The following CCSER1 variants were observed in gnomAD, a reference collection of about 807,000 sequenced individuals.
CCSER1 encodes the protein coiled-coil serine rich protein 1, also known as serine-rich coiled-coil domain-containing protein 1.
In CCSER1, 41 loss-of-function variants were observed where a neutral mutation model predicts 82.0. That is an observed-to-expected ratio of 0.50 (90% confidence interval 0.39 to 0.65). The LOEUF is 0.65. CCSER1 is among the 30% of genes least tolerant of loss of function. The pLI, the probability that CCSER1 is intolerant of heterozygous loss-of-function variation, is 0.00. For missense variants in CCSER1, 1,119 were observed against 1,064.2 expected, an observed-to-expected ratio of 1.05 and a Z score of -0.72; for synonymous variants, 414 against 383.9, an observed-to-expected ratio of 1.08 and a Z score of -0.92.
intron 10 of CCSER1, among the ~76,000 whole-genome samples, chr4:91,248,301 C>T (rs530671652): frequency 2.9e-4 from 44 of 152,298 alleles, no homozygotes; most frequent in African/African-American, 7.5e-4. Context: ...ATAATCCCTA[C>T]ACCTTAGGTT....
At chr4:90,786,255 T>C (rs1754503094) in intron 7 of CCSER1, among the ~76,000 whole-genome samples, 1 of 152,192 alleles carries the variant, frequency 6.6e-6, no homozygotes, top group Non-Finnish European at 1.5e-5. Context: ...TATTAGAAAC[T>C]ACTGTGGTGA....
At chr4:91,531,555 T>G (rs1257575246) in intron 10 of CCSER1, among the ~76,000 whole-genome samples, 2 of 152,218 alleles carry the variant, frequency 1.3e-5, no homozygotes, top group Non-Finnish European at 2.9e-5. Flanking sequence ...TTACAGATAG[T>G]AAATTGTTAG....
intron 10 of CCSER1, among the ~76,000 whole-genome samples, chr4:91,309,030 T>C (rs1243325444): frequency 2.0e-5 from 3 of 152,004 alleles, no homozygotes; most frequent in African/African-American, 7.2e-5. Context: ...GGACACTTTT[T>C]GTAGTTGTTC....
chr4:90,808,647 A>G (rs1354871977), intron 7 of CCSER1, among the ~76,000 whole-genome samples: 2 of 152,206 alleles, frequency 1.3e-5, no homozygotes, highest in Non-Finnish European at 2.9e-5. Context: ...AATGCTCAAC[A>G]TCACTAACCA....
intron 6 of CCSER1, among the ~76,000 whole-genome samples, chr4:90,637,747 A>G (rs2148965568): frequency 6.6e-6 from 1 of 152,242 alleles, no homozygotes; most frequent in African/African-American, 2.4e-5. Flanking sequence ...GGCCTACTAA[A>G]AATTCTTGCT....
At chr4:90,233,645 A>C (rs1578657421) in intron 1 of CCSER1, among the ~76,000 whole-genome samples, 3 of 147,378 alleles carry the variant, frequency 2.0e-5, no homozygotes, top group Admixed American at 2.0e-4. Context: ...AAAAAAAAAA[A>C]ACAAAACAAA....
chr4:90,902,065 C>T (rs1197646399), intron 8 of CCSER1, among the ~76,000 whole-genome samples: 5 of 151,696 alleles, frequency 3.3e-5, no homozygotes, highest in African/African-American at 1.2e-4. Context: ...TCTGCTTGAT[C>T]TAGGCTATTG....
At chr4:91,141,978 A>T (rs2148931326) in intron 10 of CCSER1, among the ~76,000 whole-genome samples, 1 of 152,162 alleles carries the variant, frequency 6.6e-6, no homozygotes. Flanking sequence ...TTGTTGATTT[A>T]AGTTCCTTAT....
At chr4:91,150,197 C>G (rs1234261878) in intron 10 of CCSER1, among the ~76,000 whole-genome samples, 1 of 152,136 alleles carries the variant, frequency 6.6e-6, no homozygotes, top group East Asian at 1.9e-4. Flanking sequence ...TCCTTCACAT[C>G]CCTTGTAAGT....
chr4:91,080,049 G>C (rs748980248), intron 9 of CCSER1, among the ~76,000 whole-genome samples: 2 of 152,132 alleles, frequency 1.3e-5, no homozygotes, highest in Non-Finnish European at 2.9e-5. Flanking sequence ...ATTGAACTCA[G>C]CTCTGCACCA....
chr4:90,959,296 G>A (rs1238793947), intron 9 of CCSER1, among the ~76,000 whole-genome samples: 1 of 152,072 alleles, frequency 6.6e-6, no homozygotes, highest in Non-Finnish European at 1.5e-5. Flanking sequence ...TCTATAATAC[G>A]TGTCAATAAT....
At chr4:90,377,237 C>T (rs541935353) in intron 3 of CCSER1, among the ~76,000 whole-genome samples, 2 of 152,288 alleles carry the variant, frequency 1.3e-5, no homozygotes, top group African/African-American at 4.8e-5. Flanking sequence ...TTCACAGACA[C>T]ATTATTTTTG....
chr4:91,294,226 A>T (rs1224268328), intron 10 of CCSER1, among the ~76,000 whole-genome samples: 9 of 152,000 alleles, frequency 5.9e-5, no homozygotes, highest in Admixed American at 2.0e-4. Context: ...CATCAGCAAT[A>T]TAGAAATATA....
rs150281529 is a variant in CCSER1, at chr4:91,459,642, A to C, written c.2218-138930A>C. 2.5e-3 allele frequency among the ~76,000 whole-genome samples: 388 copies of C among 152,164 alleles called. 3 individuals are homozygous for C. The highest frequency in any genetic ancestry group is 9.0e-3 in the African/African-American group (372 of 41,516). On this transcript the variant is annotated intron_variant, in intron 10 of 10. Coordinates refer to ENST00000509176, the MANE Select transcript of CCSER1 (RefSeq NM_001145065.2). ...CAGGAATGATCAGAAGTTCTTGGGAAAAAAAATGGTGACTTACTTCTGCTA... is the reference window on the plus strand; with the variant it reads ...CAGGAATGATCAGAAGTTCTTGGGACAAAAAATGGTGACTTACTTCTGCTA...
At chr4:91,118,371 C>A (rs1394910629) in intron 10 of CCSER1, among the ~76,000 whole-genome samples, 1 of 148,260 alleles carries the variant, frequency 6.7e-6, no homozygotes, top group Non-Finnish European at 1.5e-5. Flanking sequence ...AGGTCCCGGG[C>A]TCAAGCAATC....
At chr4:90,393,841 C>T (rs957639098) in intron 3 of CCSER1, among the ~76,000 whole-genome samples, 11 of 141,284 alleles carry the variant, frequency 7.8e-5, no homozygotes, top group Middle Eastern at 8.0e-3. Context: ...CAGTGTGGCA[C>T]AGTCATGACT....
intron 10 of CCSER1, among the ~76,000 whole-genome samples, chr4:91,460,082 T>A (rs1756420324): frequency 1.3e-5 from 2 of 152,182 alleles, no homozygotes; most frequent in African/African-American, 4.8e-5. Context: ...AAGATCACAT[T>A]GCAGGAGCAT....
rs985498428 is a variant in CCSER1 at position 91,398,505 on chromosome 4, G to T, written c.2218-200067G>T. Among the ~76,000 whole-genome samples the T allele has an allele frequency of 4.6e-5, 7 of 151,720 alleles. No individual in the cohort carries two copies. In the East Asian group the frequency reaches 1.3e-3, roughly 29 times the overall value. ...AATGGTGATGGTTACTTATTTAAAAGATAATAAAAAATAGATGAGACAAAA... is the reference window on the plus strand; with the variant it reads ...AATGGTGATGGTTACTTATTTAAAATATAATAAAAAATAGATGAGACAAAA... On this transcript the variant is annotated intron_variant, in intron 10 of 10. Transcript: ENST00000509176.
At chr4:90,770,558 G>C (rs942847425) in intron 7 of CCSER1, among the ~76,000 whole-genome samples, 2 of 152,166 alleles carry the variant, frequency 1.3e-5, no homozygotes, top group African/African-American at 4.8e-5. Flanking sequence ...CCCAGAGCAA[G>C]TAACATCTCT....
Sources: allele counts gnomAD v4.1 joint callset (sites outside exome capture counted in the v4.1 genomes callset), GRCh38; gene constraint gnomAD v4.1.1; transcripts MANE v1.5; gene names NCBI Gene and HGNC (gene_info 2026-07-23, HGNC 2026-07-21).